CERS6: variants seen among roughly 807,000 people sequenced by gnomAD.
CERS6 encodes the protein ceramide synthase 6, also known as LAG1 homolog, ceramide synthase 6.
A neutral mutation model predicts 56.8 loss-of-function variants in CERS6; 26 were observed. That is an observed-to-expected ratio of 0.46 (90% confidence interval 0.34 to 0.63). The LOEUF (loss-of-function observed/expected upper bound fraction) is 0.63. CERS6 is among the 30% of genes least tolerant of loss of function. CERS6 has a pLI of 0.01. For synonymous variants in CERS6, 164 were observed against 173.3 expected (o/e 0.95, Z 0.42); for missense variants, 415 against 467.5 (o/e 0.89, Z 1.04).
chr2:168,687,474 G>A (rs1054771060), intron 4 of CERS6, among the ~76,000 whole-genome samples: 1 of 152,236 alleles, frequency 6.6e-6, no homozygotes, highest in South Asian at 2.1e-4. Flanking sequence ...CCCAAGCCCA[G>A]ACCTCAGCCT....
At chr2:168,650,677 T>A (rs1685321530) in intron 4 of CERS6, among the ~76,000 whole-genome samples, 1 of 151,710 alleles carries the variant, frequency 6.6e-6, no homozygotes, top group Non-Finnish European at 1.5e-5. Context: ...GGTGAATTTT[T>A]TTTTTTAAAT....
At chr2:168,636,247 C>A (rs1180806257) in intron 4 of CERS6, among the ~76,000 whole-genome samples, 2 of 152,074 alleles carry the variant, frequency 1.3e-5, no homozygotes, top group East Asian at 3.8e-4. Context: ...TTGCCCGAAG[C>A]AAAACTGGAA....
At chr2:168,713,822 G>A (rs1178643386) in intron 6 of CERS6, among the ~76,000 whole-genome samples, 1 of 151,834 alleles carries the variant, frequency 6.6e-6, no homozygotes, top group Non-Finnish European at 1.5e-5. Flanking sequence ...TATCAGAAGA[G>A]CCAACATGGT....
chr2:168,496,965 G>A (rs947421057), intron 1 of CERS6, among the ~76,000 whole-genome samples: 1 of 152,204 alleles, frequency 6.6e-6, no homozygotes, highest in African/African-American at 2.4e-5. Context: ...TTTAAATAAT[G>A]CCATCAATAT....
chr2:168,686,903 A>G lies in CERS6; in HGVS notation c.466-4131A>G, dbSNP rs553508476. ...AGTAAAGCAAAACACACTAGCTTAGATATGAGAGAAATGATAGGAATTTAT... is the reference window on the plus strand; with the variant it reads ...AGTAAAGCAAAACACACTAGCTTAGGTATGAGAGAAATGATAGGAATTTAT... On this transcript the variant is annotated intron_variant, in intron 4 of 9. Coordinates refer to ENST00000305747, the MANE Select transcript of CERS6 (RefSeq NM_203463.3). Among the ~76,000 whole-genome samples, 10 of 152,358 alleles carry G rather than the reference A, an allele frequency of 6.6e-5. No individual in the cohort carries two copies. The South Asian group carries it at 2.1e-3, about 32-fold the overall frequency.
intron 9 of CERS6, among the ~76,000 whole-genome samples, 193 bp from the exon 10 acceptor site, chr2:168,769,317 A>G (rs190092951): frequency 4.4e-4 from 67 of 152,364 alleles, no homozygotes; most frequent in African/African-American, 1.6e-3. Flanking sequence ...ACATTCCTTC[A>G]TAAATGACTT....
chr2:168,610,529 G>A (rs1364602695), intron 3 of CERS6, among the ~76,000 whole-genome samples: 1 of 152,078 alleles, frequency 6.6e-6, no homozygotes. Context: ...TTTTTATTTG[G>A]TAGATATTTT....
intron 1 of CERS6, among the ~76,000 whole-genome samples, chr2:168,528,858 T>G (rs1695116483): frequency 6.6e-6 from 1 of 152,210 alleles, no homozygotes; most frequent in Non-Finnish European, 1.5e-5. Flanking sequence ...GATTGTGAAG[T>G]TAAATGAAAT....
intron 3 of CERS6, among the ~76,000 whole-genome samples, chr2:168,597,514 A>G (rs1331340815): frequency 1.3e-5 from 2 of 152,172 alleles, no homozygotes; most frequent in Admixed American, 6.5e-5. Context: ...GGTCATTCTC[A>G]GGGTATGCTT....
At chr2:168,732,728 CT>C (rs1007604745) in intron 8 of CERS6, among the ~76,000 whole-genome samples, 5 of 152,186 alleles carry the variant, frequency 3.3e-5, no homozygotes. Context: ...TTTTCTGACT[CT>C]TTCTCTCTCC....
intron 1 of CERS6, among the ~76,000 whole-genome samples, chr2:168,518,916 C>G (rs1318973883): frequency 1.3e-5 from 2 of 152,164 alleles, no homozygotes; most frequent in African/African-American, 2.4e-5. Flanking sequence ...CGTGGCCCTC[C>G]TCCCACCCAC....
At chr2:168,578,349 T>G (rs1049597475) in intron 3 of CERS6, among the ~76,000 whole-genome samples, 4 of 152,098 alleles carry the variant, frequency 2.6e-5, no homozygotes, top group African/African-American at 9.7e-5. Context: ...ATAAAGTACT[T>G]TTGTGTCTTT....
intron 8 of CERS6, among the ~76,000 whole-genome samples, chr2:168,719,307 G>A (rs1687302893): frequency 2.0e-5 from 3 of 152,126 alleles, no homozygotes; most frequent in South Asian, 2.1e-4. Flanking sequence ...CTGGACATAG[G>A]TAATATAGAT....
chr2:168,769,184 T>G (rs1268884335), intron 9 of CERS6, among the ~76,000 whole-genome samples: 4 of 152,178 alleles, frequency 2.6e-5, no homozygotes, highest in Admixed American at 6.5e-5. Context: ...CAAATTCCTA[T>G]GACGCCATTC....
At position 168,626,859 on chromosome 2, in the gene CERS6, A is replaced by G. The variant is rs1476865799; in HGVS notation, c.408-4126A>G. On this transcript the variant is annotated intron_variant, in intron 3 of 9. Coordinates refer to ENST00000305747, the MANE Select transcript of CERS6 (RefSeq NM_203463.3). The stretch of plus-strand genomic sequence containing the variant: ...TCCTCCACAGATCGTTTAGGATTCA[A>G]CTTCTGGTTCCACTAGCTAAGCCAA... Among the ~76,000 whole-genome samples the G allele has an allele frequency of 3.3e-5, 5 of 152,212 alleles. No homozygotes were observed. The East Asian group carries it at 7.7e-4, about 24-fold the overall frequency.
chr2:168,769,878 A>G lies in CERS6; in HGVS notation c.*216A>G. 1.8e-6 allele frequency: 1 copy of G among 546,438 alleles called. No homozygotes were observed. Among genetic ancestry groups the G allele is most frequent in the South Asian group, 2.4e-5 (1 of 42,504 alleles). The allele number at this position is 546,438 out of a possible 1,614,324, so 33.8% of individuals were successfully genotyped here. A position where few individuals can be genotyped will look rare whatever the true frequency, so the allele number is the denominator to read the frequency against. On this transcript the variant is annotated 3_prime_UTR_variant, in exon 10 of 10. Transcript: ENST00000305747. ...AGGCATGCTGTATGTAATTGACACA[A>G]GGGAACAGTATTTGCATTTGTACTG...
chr2:168,461,459 C>CAA (rs397869323), intron 1 of CERS6, among the ~76,000 whole-genome samples: 11,468 of 78,666 alleles, frequency 0.15, 837 homozygotes, highest in Non-Finnish European at 0.22. Context: ...GACCCTGTCT[C>CAA]AAAAAAAAAA....
intron 6 of CERS6, 111 bp downstream of exon 6, chr2:168,695,162 G>T (rs1332536241): frequency 1.3e-6 from 1 of 758,820 alleles, no homozygotes; most frequent in African/African-American, 1.8e-5. Flanking sequence ...GCAGCCCTAG[G>T]TTAGTACGAC....
chr2:168,574,284 G>A (rs375214332), intron 3 of CERS6, among the ~76,000 whole-genome samples: 6 of 152,004 alleles, frequency 3.9e-5, no homozygotes, highest in South Asian at 4.2e-4. Flanking sequence ...AATCTTTGGC[G>A]TATTAAAACC....
Sources: gnomAD v4.1 joint callset for allele counts (sites outside exome capture counted in the v4.1 genomes callset) on GRCh38, gnomAD v4.1.1 for gene constraint, MANE v1.5 for transcripts, NCBI Gene and HGNC (gene_info 2026-07-23, HGNC 2026-07-21) for gene names.